ZDHHC14: variants seen among roughly 807,000 people sequenced by gnomAD.
ZDHHC14 encodes the protein palmitoyltransferase ZDHHC14.
ZDHHC14 carries 16 observed loss-of-function variants against 47.7 expected under a neutral mutation model. The observed-to-expected ratio is 0.34, with a 90% CI of 0.23 to 0.51. The LOEUF (loss-of-function observed/expected upper bound fraction) is 0.51. Ranked by LOEUF, ZDHHC14 falls within the 20% of genes least tolerant of loss-of-function variation. The pLI, the probability that ZDHHC14 is intolerant of heterozygous loss-of-function variation, is 0.97. For missense variants in ZDHHC14, 515 were observed against 662.5 expected, an observed-to-expected ratio of 0.78 and a Z score of 2.44; for synonymous variants, 293 against 278.9, an observed-to-expected ratio of 1.05 and a Z score of -0.50.
At chr6:157,593,277 G>A in intron 3 of ZDHHC14, 131 bp downstream of exon 3, 1 of 1,185,180 alleles carries the variant, frequency 8.4e-7, no homozygotes, top group Non-Finnish European at 1.2e-6. Flanking sequence ...GCCACTGATT[G>A]AGTTCACCGG....
At chr6:157,624,040 A>G (rs2114943664) in intron 3 of ZDHHC14, among the ~76,000 whole-genome samples, 1 of 152,320 alleles carries the variant, frequency 6.6e-6, no homozygotes, top group Admixed American at 6.5e-5. Flanking sequence ...TTTTCCACAC[A>G]GAAAGTATAG....
At chr6:157,413,263 A>G (rs574721807) in intron 1 of ZDHHC14, among the ~76,000 whole-genome samples, 1 of 152,290 alleles carries the variant, frequency 6.6e-6, no homozygotes, top group East Asian at 1.9e-4. Flanking sequence ...CTCAAAGCTG[A>G]GTCTTCACCA....
chr6:157,595,405 G>A (rs1224728408), intron 3 of ZDHHC14, among the ~76,000 whole-genome samples: 2 of 151,848 alleles, frequency 1.3e-5, no homozygotes, highest in African/African-American at 4.8e-5. Context: ...TGTTGGCCAG[G>A]CTGGTCTTGA....
intron 1 of ZDHHC14, among the ~76,000 whole-genome samples, chr6:157,513,528 A>G (rs1239649810): frequency 6.6e-6 from 1 of 152,180 alleles, no homozygotes; most frequent in African/African-American, 2.4e-5. Context: ...GTCAACATTG[A>G]CATAAGCCTT....
At chr6:157,667,461 CAA>C (rs1778603116) in intron 8 of ZDHHC14, among the ~76,000 whole-genome samples, 1 of 151,088 alleles carries the variant, frequency 6.6e-6, no homozygotes, top group Admixed American at 6.6e-5. Flanking sequence ...AAGGAAGAAA[CAA>C]AGAAGAAAAA....
At chr6:157,434,106 A>C (rs1435733952) in intron 1 of ZDHHC14, among the ~76,000 whole-genome samples, 3 of 152,130 alleles carry the variant, frequency 2.0e-5, no homozygotes, top group African/African-American at 7.2e-5. Flanking sequence ...CAGTTCCAAG[A>C]TTACATAACC....
chr6:157,622,972 G>A (rs1785253221), intron 3 of ZDHHC14, among the ~76,000 whole-genome samples: 2 of 152,194 alleles, frequency 1.3e-5, no homozygotes, highest in African/African-American at 4.8e-5. Context: ...GGAGCCAGCT[G>A]GATGAAAGAG....
chr6:157,387,244 A>G (rs1275510969), intron 1 of ZDHHC14, among the ~76,000 whole-genome samples: 6 of 151,002 alleles, frequency 4.0e-5, no homozygotes, highest in Non-Finnish European at 8.8e-5. Context: ...AAAAAAAAAC[A>G]GTGAATAATT....
intron 8 of ZDHHC14, among the ~76,000 whole-genome samples, chr6:157,667,555 G>A (rs1778607588): frequency 6.6e-6 from 1 of 151,422 alleles, no homozygotes; most frequent in African/African-American, 2.4e-5. Flanking sequence ...AGTCCAGAGA[G>A]CAAGAAAGTT....
At chr6:157,561,996 T>C (rs1782726104) in intron 2 of ZDHHC14, among the ~76,000 whole-genome samples, 1 of 152,192 alleles carries the variant, frequency 6.6e-6, no homozygotes, top group African/African-American at 2.4e-5. Flanking sequence ...CTGAGGTTTT[T>C]GTGGGTTCAG....
chr6:157,550,008 C>CT (rs1347415219), intron 2 of ZDHHC14, among the ~76,000 whole-genome samples: 1 of 152,226 alleles, frequency 6.6e-6, no homozygotes, highest in African/African-American at 2.4e-5. Flanking sequence ...TAGCTCCTGT[C>CT]TCCTGGTGGA....
At chr6:157,412,127 T>C (rs1777882485) in intron 1 of ZDHHC14, among the ~76,000 whole-genome samples, 1 of 150,802 alleles carries the variant, frequency 6.6e-6, no homozygotes, top group Non-Finnish European at 1.5e-5. Flanking sequence ...TTAGTAGAGA[T>C]GGGGTTTTGC....
At chr6:157,467,283 T>TA (rs1211081482) in intron 1 of ZDHHC14, among the ~76,000 whole-genome samples, 1 of 152,076 alleles carries the variant, frequency 6.6e-6, no homozygotes, top group Non-Finnish European at 1.5e-5. Context: ...TTCATTGCCC[T>TA]AAAAAGAAAC....
intron 8 of ZDHHC14, among the ~76,000 whole-genome samples, chr6:157,663,194 A>AC (rs1310815400): frequency 6.6e-6 from 1 of 152,138 alleles, no homozygotes; most frequent in African/African-American, 2.4e-5. Flanking sequence ...CAAGGCTTCT[A>AC]CCCCCCTGGG....
chr6:157,610,663 A>G (rs35783251), intron 3 of ZDHHC14, among the ~76,000 whole-genome samples: 30,027 of 152,012 alleles, frequency 0.2, 3,066 homozygotes, highest in Middle Eastern at 0.23. Flanking sequence ...TCAATGTTGG[A>G]CTTGGAGGAC....
intron 3 of ZDHHC14, among the ~76,000 whole-genome samples, chr6:157,617,506 A>G (rs761317047): frequency 5.3e-5 from 8 of 152,186 alleles, no homozygotes; most frequent in Non-Finnish European, 8.8e-5. Context: ...CTCTGTGCCC[A>G]GACGATGTGG....
intron 1 of ZDHHC14, among the ~76,000 whole-genome samples, chr6:157,522,982 T>TC (rs1562461102): frequency 1.4e-3 from 50 of 36,252 alleles, no homozygotes; most frequent in African/African-American, 9.2e-3. Context: ...TTTCTTTTCT[T>TC]TTTCTTTTCT....
intron 8 of ZDHHC14, 95 bp downstream of exon 8, chr6:157,653,722 A>T: frequency 7.7e-7 from 1 of 1,303,686 alleles, no homozygotes; most frequent in Non-Finnish European, 1.1e-6. Flanking sequence ...AAACCTCCCC[A>T]GGAGCGGGGG....
chr6:157,439,095 C>CGAA (rs1778507871), intron 1 of ZDHHC14, among the ~76,000 whole-genome samples: 2 of 152,172 alleles, frequency 1.3e-5, no homozygotes, highest in Admixed American at 1.3e-4. Context: ...GTACAGTTCC[C>CGAA]CATCCAGAGA....
Sources: gnomAD v4.1 joint callset for allele counts (sites outside exome capture counted in the v4.1 genomes callset) on GRCh38, gnomAD v4.1.1 for gene constraint, MANE v1.5 for transcripts, NCBI Gene and HGNC (gene_info 2026-07-23, HGNC 2026-07-21) for gene names.